PLA2G2A: variants seen among roughly 807,000 people sequenced by gnomAD.
PLA2G2A encodes the protein phospholipase A2, membrane associated.
In PLA2G2A, 6 loss-of-function variants were observed where a neutral mutation model predicts 11.2. That is an observed-to-expected ratio of 0.54 (90% CI 0.29 to 1.06). The LOEUF is 1.06. Ranked by LOEUF, PLA2G2A falls within the 50% of genes least tolerant of loss-of-function variation. The pLI is 0.08. For missense variants in PLA2G2A, 133 were observed against 177.1 expected (o/e 0.75, Z 1.41); for synonymous variants, 69 against 65.8 (o/e 1.05, Z -0.23).
At chr1:19,979,000 C>CACACACA (rs1553167303) in intron 1 of PLA2G2A, 121 bp from the exon 2 acceptor site, 4 of 550,808 alleles carry the variant, frequency 7.3e-6, no homozygotes, top group Non-Finnish European at 1.3e-5. Context: ...CACACACACA[C>CACACACA]AACCACCTCC....
At chr1:19,978,758 G>T (rs2046261275) in exon 2 of PLA2G2A, 2 of 1,614,042 alleles carry the variant, frequency 1.2e-6, no homozygotes, top group Admixed American at 1.7e-5. Flanking sequence ...ACTGCCAACA[G>T]TAGGAGGGTC....
intron 4 of PLA2G2A, among the ~76,000 whole-genome samples, chr1:19,977,258 T>A (rs2046233158): frequency 6.6e-6 from 1 of 152,144 alleles, no homozygotes; most frequent in South Asian, 2.1e-4. Context: ...TTTATCACAG[T>A]TGTGCCATCC....
At chr1:19,976,990 C>T (rs2046229085) in intron 4 of PLA2G2A, among the ~76,000 whole-genome samples, 1 of 152,156 alleles carries the variant, frequency 6.6e-6, no homozygotes, top group Non-Finnish European at 1.5e-5. Flanking sequence ...TCGCTCAGTT[C>T]CCCTTCTCCC....
intron 4 of PLA2G2A, 42 bp downstream of exon 4, chr1:19,977,973 T>G: frequency 8.4e-7 from 1 of 1,189,726 alleles, no homozygotes; most frequent in Non-Finnish European, 1.3e-6. Flanking sequence ...CAGCACTGTC[T>G]AAACAAATGA....
intron 1 of PLA2G2A, chr1:19,979,178 G>T (rs2046268320): frequency 3.6e-6 from 1 of 275,978 alleles, no homozygotes; most frequent in African/African-American, 2.2e-5. Context: ...CCTGAGGTCA[G>T]AGGATGTGTC....
intron 1 of PLA2G2A, among the ~76,000 whole-genome samples, chr1:19,979,352 T>C (rs1261610689): frequency 2.0e-5 from 3 of 152,076 alleles, no homozygotes; most frequent in Admixed American, 1.3e-4. Context: ...CCCAAACACA[T>C]ACATGTTAAC....
intron 4 of PLA2G2A, among the ~76,000 whole-genome samples, chr1:19,977,514 C>A (rs962161517): frequency 6.6e-6 from 1 of 152,244 alleles, no homozygotes; most frequent in Non-Finnish European, 1.5e-5. Context: ...GCAAATCTGA[C>A]CCTGTAGCTC....
At chr1:19,977,307 T>C (rs932271680) in intron 4 of PLA2G2A, among the ~76,000 whole-genome samples, 17 of 152,032 alleles carry the variant, frequency 1.1e-4, no homozygotes, top group African/African-American at 4.1e-4. Flanking sequence ...CCTCTCCCCA[T>C]CCCTCCCAAC....
At position 19,978,234 on chromosome 1, in the gene PLA2G2A, A is replaced by C. The variant is rs935161307; in HGVS notation, c.186-113T>G. 9.0e-6 allele frequency: 12 copies of C among 1,336,184 alleles called. No individual in the cohort carries two copies. The African/African-American group carries it at 1.7e-4, about 19-fold the overall frequency. The allele number at this position is 1,336,184 out of a possible 1,614,324, so 82.8% of individuals were successfully genotyped here. On this transcript the variant is annotated intron_variant, in intron 3 of 4. Coordinates refer to ENST00000482011, the Ensembl canonical transcript of PLA2G2A. ...AGACCCAGTGACTTTGCAACAGTCT[A>C]GAGCAGAAGTTCCAACATGCCGGCT...
Position 19,979,141 on chromosome 1 carries a change from A to C in PLA2G2A, c.-106-262T>G, listed in dbSNP as rs1051731045. ...TGAGAGTTCTTGGGAGGTTGGAACC[A>C]GGTTCCTCCCAACTACCTGGGAGGT... is the stretch of plus-strand genomic sequence containing the variant. On this transcript the variant is annotated intron_variant, in intron 1 of 4. Transcript: ENST00000482011. 20 of 306,732 alleles carry C rather than the reference A, an allele frequency of 6.5e-5. 1 individual carries two copies. The highest frequency in any genetic ancestry group is 3.2e-4 in the African/African-American group (15 of 47,364). The allele number at this position is 306,732 out of a possible 1,614,324, so 19.0% of individuals were successfully genotyped here.
chr1:19,977,465 T>C (rs2100413397), intron 4 of PLA2G2A, among the ~76,000 whole-genome samples: 1 of 152,296 alleles, frequency 6.6e-6, no homozygotes, highest in South Asian at 2.1e-4. Context: ...CTTCCACTTG[T>C]CTCCATCGAC....
chr1:19,978,278 T>C (rs543663002), intron 3 of PLA2G2A, 102 bp downstream of exon 3: 1 of 1,467,880 alleles, frequency 6.8e-7, no homozygotes, highest in African/African-American at 1.4e-5. Context: ...AGCCAGGCCA[T>C]CCTGAGACCT....
chr1:19,978,981 A>ACACACACACACC, intron 1 of PLA2G2A, 102 bp from the exon 2 acceptor site: 1 of 524,950 alleles, frequency 1.9e-6, no homozygotes, highest in Non-Finnish European at 3.5e-6. Context: ...ATGCACACAC[A>ACACACACACACC]CACACACACA....
At chr1:19,979,919 C>T (rs906075036), upstream of PLA2G2A, among the ~76,000 whole-genome samples, 12 of 152,198 alleles carry the variant, frequency 7.9e-5, no homozygotes, top group African/African-American at 1.9e-4. Flanking sequence ...TCCCTGCAAT[C>T]GCCTCTAAGG....
chr1:19,976,959 C>T (rs2100411850), intron 4 of PLA2G2A, among the ~76,000 whole-genome samples: 1 of 152,330 alleles, frequency 6.6e-6, no homozygotes, highest in South Asian at 2.1e-4. Context: ...TAACCATTTC[C>T]TTACTGACTC....
rs2046214875 is a variant in PLA2G2A, at chr1:19,975,990, A to C, written c.293-147T>G. On this transcript the variant is annotated intron_variant, in intron 4 of 4. Coordinates refer to ENST00000482011, the Ensembl canonical transcript of PLA2G2A. ...CCTGCGCTCCAGATATTTCTGACCA[A>C]TGGGGAGACAGAATTCTTGCCCTTG... 3 of 725,416 alleles carry C rather than the reference A, an allele frequency of 4.1e-6. No individual in the cohort carries two copies. In the Admixed American group the frequency reaches 6.3e-5, roughly 15 times the overall value. The allele number at this position is 725,416 out of a possible 1,614,324, so 44.9% of individuals were successfully genotyped here. A position where few individuals can be genotyped will look rare whatever the true frequency, so the allele number is the denominator to read the frequency against.
At chr1:19,980,156 C>T (rs2046280558), upstream of PLA2G2A, among the ~76,000 whole-genome samples, 1 of 152,222 alleles carries the variant, frequency 6.6e-6, no homozygotes, top group South Asian at 2.1e-4. Context: ...CACGTGTGCA[C>T]CCCACAGTCC....
intron 4 of PLA2G2A, 38 bp from the exon 5 acceptor site, chr1:19,975,881 A>G (rs1273259799): frequency 7.5e-6 from 12 of 1,596,066 alleles, no homozygotes; most frequent in Non-Finnish European, 1.0e-5. Context: ...ATGGGAGTTT[A>G]TTAATATTCA....
chr1:19,979,671 G>A (rs1381646877), upstream of PLA2G2A: 2 of 152,446 alleles, frequency 1.3e-5, no homozygotes, highest in Non-Finnish European at 2.9e-5. Flanking sequence ...TGGGAGGTTG[G>A]GGGTAGGTGA....
Sources: allele counts gnomAD v4.1 joint callset (sites outside exome capture counted in the v4.1 genomes callset), GRCh38; gene constraint gnomAD v4.1.1; transcripts MANE v1.5; gene names NCBI Gene and HGNC (gene_info 2026-07-23, HGNC 2026-07-21).